Variants in USP6NL observed in about 807,000 individuals in gnomAD.
USP6NL encodes USP6 N-terminal like.
A neutral mutation model predicts 61.9 loss-of-function variants in USP6NL; 26 were observed. The ratio of observed to expected loss-of-function variants is 0.42; its 90% CI spans 0.31 to 0.58. The LOEUF (loss-of-function observed/expected upper bound fraction) is 0.58, where lower values mean the gene tolerates loss of function less well. Ranked by LOEUF, USP6NL falls within the 20% of genes least tolerant of loss-of-function variation. The pLI, the probability that USP6NL is intolerant of heterozygous loss-of-function variation, is 0.16. For missense variants in USP6NL, 1,114 were observed against 1,034.3 expected (o/e 1.08, Z -1.06); for synonymous variants, 432 against 390.1 (o/e 1.11, Z -1.27).
rs983209264 is a variant in USP6NL, at chr10:11,513,308, T to C, written c.196-3633A>G. 3.9e-5 allele frequency among the ~76,000 whole-genome samples: 6 copies of C among 152,214 alleles called. No individual in the cohort carries two copies. The highest frequency in any genetic ancestry group is 7.3e-5 in the Non-Finnish European group (5 of 68,036). On this transcript the variant is annotated intron_variant, in intron 5 of 14. Coordinates refer to ENST00000609104, the MANE Select transcript of USP6NL (RefSeq NM_014688.5). This position sits in a 1 kb window ranked among gnomAD's most constrained non-coding sequence, Gnocchi z 4.7. ...TAATACAGAAGTAACCAGAAGTTAA[T>C]AATATCCCGTATGTGGCAGAATGGT...
intron 2 of USP6NL, among the ~76,000 whole-genome samples, chr10:11,582,241 C>T (rs1051830604): frequency 6.6e-6 from 1 of 152,236 alleles, no homozygotes; most frequent in Admixed American, 6.5e-5. Context: ...GCTGGGATTA[C>T]AGGCGTAAGC....
At chr10:11,502,202 T>A (rs1834229559) in intron 6 of USP6NL, among the ~76,000 whole-genome samples, 1 of 148,474 alleles carries the variant, frequency 6.7e-6, no homozygotes. Flanking sequence ...GAGCTTGCAG[T>A]GAGCCGAGAT....
Position 11,518,492 on chromosome 10 carries a change from G to A in USP6NL, c.195+43C>T, listed in dbSNP as rs373735605. 1.3e-6 allele frequency: 2 copies of A among 1,554,402 alleles called. No homozygotes were observed. The highest frequency in any genetic ancestry group is 1.8e-6 in the Non-Finnish European group (2 of 1,129,728). ...GGTCAATTTTATTCTTCTAATAAAG[G>A]CAATTCACCAGTAACTGTAAATACA... On this transcript the variant is annotated intron_variant, in intron 5 of 14. Transcript: ENST00000609104. The surrounding 1 kb of genome is among the most constrained non-coding windows in gnomAD (Gnocchi z 5.3).
chr10:11,557,939 G>C lies in USP6NL; in HGVS notation c.5-30372C>G, dbSNP rs577834853. ...GAAAATAGGTATGGAGAAGAAACGC[G>C]GAAGGTATGAGAAAAAAGGGAAAAC... On this transcript the variant is annotated intron_variant, in intron 2 of 14. Coordinates refer to ENST00000609104, the MANE Select transcript of USP6NL (RefSeq NM_014688.5). 2.0e-5 allele frequency among the ~76,000 whole-genome samples: 3 copies of C among 152,274 alleles called. No homozygotes were observed. The South Asian group carries it at 6.2e-4, about 32-fold the overall frequency.
chr10:11,580,533 C>T (rs1328136397), intron 2 of USP6NL, among the ~76,000 whole-genome samples: 1 of 152,128 alleles, frequency 6.6e-6, no homozygotes, highest in Admixed American at 6.5e-5. Context: ...CCATGGAATA[C>T]TAGACGGCAT....
intron 1 of USP6NL, among the ~76,000 whole-genome samples, chr10:11,609,981 G>A (rs1049886972): frequency 2.0e-5 from 3 of 152,126 alleles, no homozygotes; most frequent in Non-Finnish European, 4.4e-5. Flanking sequence ...TAAAAACTAA[G>A]TAGGCACCAA....
At chr10:11,541,278 T>C (rs1320469753) in intron 2 of USP6NL, among the ~76,000 whole-genome samples, 1 of 119,024 alleles carries the variant, frequency 8.4e-6, no homozygotes, top group Non-Finnish European at 1.8e-5. Flanking sequence ...TATATATATG[T>C]ATGTCACTCT....
intron 7 of USP6NL, among the ~76,000 whole-genome samples, chr10:11,500,243 G>T (rs148913219): frequency 6.6e-6 from 1 of 152,082 alleles, no homozygotes; most frequent in African/African-American, 2.4e-5. Context: ...TAGGTGATGG[G>T]ATGATCTATG....
At chr10:11,514,589 G>C (rs1834876339) in intron 5 of USP6NL, among the ~76,000 whole-genome samples, 1 of 151,966 alleles carries the variant, frequency 6.6e-6, no homozygotes, top group South Asian at 2.1e-4. Context: ...TTGTCCTTTT[G>C]ATATGCCCTA....
chr10:11,486,027 T>G, intron 10 of USP6NL, 116 bp from the exon 11 acceptor site: 1 of 716,028 alleles, frequency 1.4e-6, no homozygotes, highest in Non-Finnish European at 2.1e-6. Context: ...CATTCAGTAG[T>G]TACCAAAATA....
Position 11,553,226 on chromosome 10 carries a change from A to C in USP6NL, c.5-25659T>G, listed in dbSNP as rs1375443961. On this transcript the variant is annotated intron_variant, in intron 2 of 14. Coordinates refer to ENST00000609104, the MANE Select transcript of USP6NL (RefSeq NM_014688.5). This position sits in a 1 kb window ranked among gnomAD's most constrained non-coding sequence, Gnocchi z 4.8. ...CTACTGAATTGTTGAATGCAAAGAAAAAGCTGTTTCAAGACAGTGTACGAT... is the reference window on the plus strand; with the variant it reads ...CTACTGAATTGTTGAATGCAAAGAACAAGCTGTTTCAAGACAGTGTACGAT... Among the ~76,000 whole-genome samples, 1 of 152,250 alleles carries C rather than the reference A, an allele frequency of 6.6e-6. No individual in the cohort carries two copies. Among genetic ancestry groups the C allele is most frequent in the African/African-American group, 2.4e-5 (1 of 41,462 alleles).
rs1399055445 is a variant in USP6NL at position 11,592,763 on chromosome 10, A to C, written c.4+4868T>G. Among the ~76,000 whole-genome samples the C allele has an allele frequency of 6.6e-6, 1 of 152,234 alleles. No homozygotes were observed. The highest frequency in any genetic ancestry group is 1.5e-5 in the Non-Finnish European group (1 of 68,040). Reference sequence around the variant, plus strand: ...CAGTACTTATGGGAAGTCTTCTGTTACTTGGAGCACAACTTTTTTACTTAG... The same window carrying C: ...CAGTACTTATGGGAAGTCTTCTGTTCCTTGGAGCACAACTTTTTTACTTAG... On this transcript the variant is annotated intron_variant, in intron 2 of 14. Transcript: ENST00000609104. This position sits in a 1 kb window ranked among gnomAD's most constrained non-coding sequence, Gnocchi z 4.7.
intron 14 of USP6NL, among the ~76,000 whole-genome samples, chr10:11,469,175 C>T (rs1832616259): frequency 6.6e-6 from 1 of 152,148 alleles, no homozygotes; most frequent in South Asian, 2.1e-4. Flanking sequence ...TCTGCAATGT[C>T]CAAAAAGCAG....
chr10:11,559,368 T>C (rs1408352134), intron 2 of USP6NL, among the ~76,000 whole-genome samples: 2 of 152,196 alleles, frequency 1.3e-5, no homozygotes, highest in East Asian at 1.9e-4. Flanking sequence ...GCCTACTTTG[T>C]CATTTTTTAG....
intron 7 of USP6NL, among the ~76,000 whole-genome samples, chr10:11,498,204 C>G (rs951450956): frequency 2.2e-5 from 3 of 135,680 alleles, no homozygotes; most frequent in African/African-American, 8.8e-5. Context: ...CCACTGCACT[C>G]CAGCCTGGGC....
rs559411991 is a variant in USP6NL at position 11,577,929 on chromosome 10, G to GA, written c.4+19701dup. On this transcript the variant is annotated intron_variant, in intron 2 of 14. Transcript: ENST00000609104. ...TTCTGGTTTTCTCTACCTAATAAAA[G>GA]AAAAAAAAATACAGGTGATGTTATT... Among the ~76,000 whole-genome samples, 76 of 150,398 alleles carry GA rather than the reference G, an allele frequency of 5.1e-4. 1 individual carries two copies. The South Asian group carries it at 0.015, about 30-fold the overall frequency.
rs1340903263 is a variant in USP6NL, at chr10:11,495,965, G to A, written c.385-2737C>T. Among the ~76,000 whole-genome samples, 1 of 151,934 alleles carries A rather than the reference G, an allele frequency of 6.6e-6. No individual in the cohort carries two copies. Among genetic ancestry groups the A allele is most frequent in the African/African-American group, 2.4e-5 (1 of 41,362 alleles). On this transcript the variant is annotated intron_variant, in intron 7 of 14. Transcript: ENST00000609104. This position sits in a 1 kb window ranked among gnomAD's most constrained non-coding sequence, Gnocchi z 4.6. ...GGGTTCCCTGAAGTCAGTACCTTTGGGTTTATTTTCTTATGCTGATCACAT... is the reference window on the plus strand; with the variant it reads ...GGGTTCCCTGAAGTCAGTACCTTTGAGTTTATTTTCTTATGCTGATCACAT...
At position 11,465,611 on chromosome 10, in the gene USP6NL, G is replaced by A. The variant is rs1486826437; in HGVS notation, c.1079-1762C>T. On this transcript the variant is annotated intron_variant, in intron 14 of 14. Transcript: ENST00000609104. The surrounding 1 kb of genome is among the most constrained non-coding windows in gnomAD (Gnocchi z 4.5). The stretch of plus-strand genomic sequence containing the variant: ...CAGCTGGTCTGCTGCTGCTGCTGCT[G>A]CTACTGCTGCTGTGCCTGTACGTGC... Among the ~76,000 whole-genome samples the A allele has an allele frequency of 6.6e-6, 1 of 152,208 alleles. No individual in the cohort carries two copies. The highest frequency in any genetic ancestry group is 1.5e-5 in the Non-Finnish European group (1 of 68,042).
intron 2 of USP6NL, among the ~76,000 whole-genome samples, chr10:11,547,746 T>C (rs531916529): frequency 1.3e-5 from 2 of 152,098 alleles, no homozygotes; most frequent in Non-Finnish European, 2.9e-5. Context: ...GTCACCGTGT[T>C]ATCCAGGATG....
Sources: gnomAD v4.1 joint callset for allele counts (sites outside exome capture counted in the v4.1 genomes callset) on GRCh38, gnomAD v4.1.1 for gene constraint, Gnocchi (gnomAD v3.1) non-coding constraint, MANE v1.5 for transcripts, NCBI Gene and HGNC (gene_info 2026-07-23, HGNC 2026-07-21) for gene names.